Variants in ADAMTSL1 observed in about 807,000 individuals in gnomAD.
The protein encoded by ADAMTSL1 is ADAMTS-like protein 1.
Under a neutral mutation model 201.8 loss-of-function variants are expected in ADAMTSL1, and 126 were observed. That is an observed-to-expected ratio of 0.62 (90% confidence interval 0.54 to 0.72). The LOEUF (loss-of-function observed/expected upper bound fraction) is 0.72. Ranked by LOEUF, ADAMTSL1 falls within the 30% of genes least tolerant of loss-of-function variation. The pLI is 0.00. For missense variants in ADAMTSL1, 2,679 were observed against 2,277.8 expected (o/e 1.18, Z -3.59); for synonymous variants, 1,121 against 903.4 (o/e 1.24, Z -4.32).
intron 1 of ADAMTSL1, among the ~76,000 whole-genome samples, chr9:17,942,759 C>G (rs1827292925): frequency 6.6e-6 from 1 of 152,170 alleles, no homozygotes; most frequent in East Asian, 1.9e-4. Context: ...GGTCTATTAC[C>G]TGCTTTTCTG....
Position 18,557,743 on chromosome 9 carries a change from T to C in ADAMTSL1, c.238-16287T>C, listed in dbSNP as rs761055381. On this transcript the variant is annotated intron_variant, in intron 3 of 28. Transcript: ENST00000380548. Reference sequence around the variant, plus strand: ...TTAATTGCTCTAGAAAGTGCCTTTTTCCATTTGTCTGATAAATGACTGGCA... The same window carrying C: ...TTAATTGCTCTAGAAAGTGCCTTTTCCCATTTGTCTGATAAATGACTGGCA... Among the ~76,000 whole-genome samples, 74 of 152,076 alleles carry C rather than the reference T, an allele frequency of 4.9e-4. 1 individual carries two copies. The highest frequency in any genetic ancestry group is 6.2e-4 in the Non-Finnish European group (42 of 67,982).
chr9:18,743,607 G>A (rs544538668), intron 15 of ADAMTSL1, among the ~76,000 whole-genome samples: 72 of 152,116 alleles, frequency 4.7e-4, no homozygotes, highest in African/African-American at 1.6e-3. Context: ...CTATTTTTAC[G>A]GAGCCAAAAC....
rs1820062332 is a variant in ADAMTSL1, at chr9:18,443,141, T to C, written c.208-61688T>C. 2.0e-5 allele frequency among the ~76,000 whole-genome samples: 3 copies of C among 152,318 alleles called. No homozygotes were observed. In the South Asian group the frequency reaches 6.2e-4, roughly 32 times the overall value. Reference sequence around the variant, plus strand: ...CATAGAAGGCTTTGAAAATCTGGCCTTTGATGTATTTTATAGGGATAAGGA... The same window carrying C: ...CATAGAAGGCTTTGAAAATCTGGCCCTTGATGTATTTTATAGGGATAAGGA... On this transcript the variant is annotated intron_variant, in intron 2 of 29. Transcript: ENST00000680146.
In ADAMTSL1 at chr9:18,816,988, A is replaced by T. The variant is rs535835330; in HGVS notation, c.3806-121A>T. 85 of 1,281,024 alleles carry T rather than the reference A, an allele frequency of 6.6e-5. No homozygotes were observed. In the African/African-American group the frequency reaches 1.1e-3, roughly 17 times the overall value. The allele number at this position is 1,281,024 out of a possible 1,614,324, so 79.4% of individuals were successfully genotyped here. A position where few individuals can be genotyped will look rare whatever the true frequency, so the allele number is the denominator to read the frequency against. On this transcript the variant is annotated intron_variant, in intron 20 of 28. Coordinates refer to ENST00000380548, the MANE Select transcript of ADAMTSL1 (RefSeq NM_001040272.6). ...CTTGCAATTTTTCAAGAGAAAACAT[A>T]GTTAGTGGCAAAAGTCTGGGTAGAC...
At chr9:18,276,863 G>A (rs1378846110) in intron 2 of ADAMTSL1, among the ~76,000 whole-genome samples, 1 of 152,134 alleles carries the variant, frequency 6.6e-6, no homozygotes, top group Non-Finnish European at 1.5e-5. Flanking sequence ...CCTCTCACTA[G>A]GCCCACCTCC....
At chr9:18,513,383 A>G (rs114329156) in intron 2 of ADAMTSL1, among the ~76,000 whole-genome samples, 1,825 of 152,280 alleles carry the variant, frequency 0.012, 32 homozygotes, top group African/African-American at 0.042. Flanking sequence ...GATACCTTAT[A>G]TAAGTGGAAT....
chr9:18,146,953 A>G (rs1347599373), intron 1 of ADAMTSL1, among the ~76,000 whole-genome samples: 1 of 152,038 alleles, frequency 6.6e-6, no homozygotes, highest in African/African-American at 2.4e-5. Flanking sequence ...ACACCTTTCT[A>G]TTTCTCTTTC....
At chr9:18,311,283 C>CTTGTGGGTATA (rs1834144818) in intron 2 of ADAMTSL1, among the ~76,000 whole-genome samples, 1 of 151,838 alleles carries the variant, frequency 6.6e-6, no homozygotes, top group African/African-American at 2.4e-5. Flanking sequence ...CAGCAAACCA[C>CTTGTGGGTATA]CACAGTGTGT....
chr9:18,119,531 G>C (rs564996511), intron 1 of ADAMTSL1, among the ~76,000 whole-genome samples: 1 of 152,026 alleles, frequency 6.6e-6, no homozygotes, highest in African/African-American at 2.4e-5. Context: ...TCAAACTCCT[G>C]ACCTCAGGTG....
At chr9:18,178,610 C>T (rs918782212) in intron 2 of ADAMTSL1, among the ~76,000 whole-genome samples, 1 of 151,652 alleles carries the variant, frequency 6.6e-6, no homozygotes, top group Non-Finnish European at 1.5e-5. Flanking sequence ...GTAACCTCTG[C>T]AGACTTAAAT....
intron 2 of ADAMTSL1, among the ~76,000 whole-genome samples, chr9:18,293,149 T>C (rs1833339463): frequency 6.6e-6 from 1 of 152,232 alleles, no homozygotes; most frequent in South Asian, 2.1e-4. Flanking sequence ...CCACATTTTC[T>C]TTATCCAATC....
rs373142664 is a variant in ADAMTSL1, at chr9:18,152,114, A to G, written c.88-11748A>G. On this transcript the variant is annotated intron_variant, in intron 1 of 29. Transcript: ENST00000680146. ...TATTGTTCTTCCTCATTTACACATG[A>G]AGGACCTAAGATTCAGTTTCAGTAA... is the stretch of plus-strand genomic sequence containing the variant. 7.9e-5 allele frequency among the ~76,000 whole-genome samples: 12 copies of G among 152,216 alleles called. No homozygotes were observed. The South Asian group carries it at 1.2e-3, about 16-fold the overall frequency.
intron 15 of ADAMTSL1, among the ~76,000 whole-genome samples, chr9:18,740,215 T>C (rs1482594419): frequency 6.6e-6 from 1 of 152,108 alleles, no homozygotes; most frequent in East Asian, 1.9e-4. Flanking sequence ...AAGAGCCTGC[T>C]GGCCATTCCA....
chr9:18,612,570 A>G (rs139121744), intron 4 of ADAMTSL1, among the ~76,000 whole-genome samples: 169 of 152,296 alleles, frequency 1.1e-3, no homozygotes, highest in African/African-American at 3.8e-3. Flanking sequence ...CCCAGAAATA[A>G]GACTGCACAC....
At chr9:18,283,435 T>C (rs1832868674) in intron 2 of ADAMTSL1, among the ~76,000 whole-genome samples, 1 of 151,476 alleles carries the variant, frequency 6.6e-6, no homozygotes, top group Admixed American at 6.6e-5. Context: ...TGAGGCCCCA[T>C]CTCTATAGAA....
intron 2 of ADAMTSL1, among the ~76,000 whole-genome samples, chr9:18,508,035 A>AT (rs1448641594): frequency 6.6e-6 from 1 of 152,086 alleles, no homozygotes; most frequent in Non-Finnish European, 1.5e-5. Flanking sequence ...AAATGCAAAA[A>AT]TTAGCTGGGC....
chr9:18,182,806 C>T (rs1009745729), intron 2 of ADAMTSL1, among the ~76,000 whole-genome samples: 2 of 152,086 alleles, frequency 1.3e-5, no homozygotes, highest in African/African-American at 2.4e-5. Flanking sequence ...TAGTAGAATG[C>T]GGGTTACAGT....
chr9:18,826,172 C>T, intron 21 of ADAMTSL1, 112 bp from the exon 22 acceptor site: 2 of 1,311,878 alleles, frequency 1.5e-6, no homozygotes, highest in African/African-American at 1.5e-5. Flanking sequence ...GAAGATGTCC[C>T]TGTAGAGCAG....
intron 7 of ADAMTSL1, among the ~76,000 whole-genome samples, chr9:18,641,694 A>G (rs757674337): frequency 5.9e-5 from 9 of 152,056 alleles, no homozygotes; most frequent in African/African-American, 1.4e-4. Context: ...AAGTACGTAC[A>G]GAAAAAAAGA....
Sources: allele counts gnomAD v4.1 joint callset (sites outside exome capture counted in the v4.1 genomes callset), GRCh38; gene constraint gnomAD v4.1.1; transcripts MANE v1.5; gene names NCBI Gene and HGNC (gene_info 2026-07-23, HGNC 2026-07-21).